Variants in COP1 observed in about 807,000 individuals in gnomAD.
COP1 encodes E3 ubiquitin-protein ligase COP1.
COP1 carries 24 observed loss-of-function variants against 101.3 expected under a neutral mutation model. That is an observed-to-expected ratio of 0.24 (90% CI 0.17 to 0.33). The LOEUF (loss-of-function observed/expected upper bound fraction) is 0.33. Ranked by LOEUF, COP1 falls within the 10% of genes least tolerant of loss-of-function variation. COP1 has a pLI of 1.00. For missense variants in COP1, 663 were observed against 906.2 expected, an observed-to-expected ratio of 0.73 and a Z score of 3.45; for synonymous variants, 347 against 341.9, an observed-to-expected ratio of 1.01 and a Z score of -0.17.
At chr1:176,151,359 AAG>A (rs1553292732) in intron 5 of COP1, among the ~76,000 whole-genome samples, 7 of 58,652 alleles carry the variant, frequency 1.2e-4, no homozygotes, top group African/African-American at 1.7e-4. Flanking sequence ...AAGAAAAAGA[AAG>A]AAAGAAAGAA....
At chr1:175,999,262 C>A (rs543946855) in intron 15 of COP1, among the ~76,000 whole-genome samples, 1 of 152,140 alleles carries the variant, frequency 6.6e-6, no homozygotes, top group Admixed American at 6.6e-5. Flanking sequence ...GCCCAAGTAC[C>A]CTTCTCAGAC....
At chr1:176,195,520 T>C (rs933761017) in intron 1 of COP1, among the ~76,000 whole-genome samples, 4 of 152,176 alleles carry the variant, frequency 2.6e-5, no homozygotes, top group African/African-American at 7.2e-5. Context: ...AGAGTACTCA[T>C]TTTTTTCAAG....
chr1:176,193,243 T>G (rs889225734), intron 1 of COP1, among the ~76,000 whole-genome samples: 2 of 152,144 alleles, frequency 1.3e-5, no homozygotes, highest in Non-Finnish European at 1.5e-5. Flanking sequence ...TCACACCCAT[T>G]AGGTTGGCTA....
At chr1:176,057,470 G>A (rs974112433) in intron 11 of COP1, among the ~76,000 whole-genome samples, 4 of 151,906 alleles carry the variant, frequency 2.6e-5, no homozygotes, top group Non-Finnish European at 4.4e-5. Flanking sequence ...GAGTGCCTGC[G>A]ATTGCAGGCG....
chr1:175,956,673 A>AT (rs1161943215), intron 18 of COP1, among the ~76,000 whole-genome samples: 2 of 152,232 alleles, frequency 1.3e-5, no homozygotes, highest in Non-Finnish European at 2.9e-5. Context: ...GCACTGCACA[A>AT]TGACATTTTG....
chr1:176,036,764 A>C (rs750313656), intron 14 of COP1, among the ~76,000 whole-genome samples: 15 of 152,160 alleles, frequency 9.9e-5, no homozygotes, highest in Non-Finnish European at 2.2e-4. Context: ...ATTTTGCTTA[A>C]TTGTAGGCCA....
intron 18 of COP1, among the ~76,000 whole-genome samples, chr1:175,966,641 A>C (rs1652077791): frequency 6.6e-6 from 1 of 152,242 alleles, no homozygotes; most frequent in Admixed American, 6.5e-5. Flanking sequence ...GCAAAATGGA[A>C]GAAAGAAGAA....
chr1:176,123,935 G>C (rs960246124), intron 8 of COP1, among the ~76,000 whole-genome samples: 1 of 152,018 alleles, frequency 6.6e-6, no homozygotes, highest in South Asian at 2.1e-4. Context: ...GCCTGCATTT[G>C]AATCTCTAAG....
Position 176,141,511 on chromosome 1 carries a change from T to C in COP1, c.832-4964A>G, listed in dbSNP as rs556581690. Reference sequence around the variant, plus strand: ...GCAAGACTCCATCTCAAAAAATACATACATACATACATACAGCAGCAAAAC... The same window carrying C: ...GCAAGACTCCATCTCAAAAAATACACACATACATACATACAGCAGCAAAAC... On this transcript the variant is annotated intron_variant, in intron 6 of 19. Coordinates refer to ENST00000367669, the MANE Select transcript of COP1 (RefSeq NM_022457.7). Among the ~76,000 whole-genome samples, 60 of 151,658 alleles carry C rather than the reference T, an allele frequency of 4.0e-4. No homozygotes were observed. The South Asian group carries it at 9.6e-3, about 24-fold the overall frequency.
At chr1:176,184,715 T>A in intron 1 of COP1, 23 bp from the exon 2 acceptor site, 1 of 1,566,236 alleles carries the variant, frequency 6.4e-7, no homozygotes. Context: ...GAAAAATAAT[T>A]GATTTTTTTT....
chr1:176,006,256 T>G (rs535550699), intron 15 of COP1, among the ~76,000 whole-genome samples: 2 of 152,120 alleles, frequency 1.3e-5, no homozygotes, highest in East Asian at 3.9e-4. Context: ...GCACGTGAGA[T>G]GGGTTTCCTG....
intron 9 of COP1, among the ~76,000 whole-genome samples, chr1:176,092,491 G>C (rs1039504447): frequency 2.6e-5 from 4 of 152,064 alleles, no homozygotes; most frequent in Non-Finnish European, 5.9e-5. Flanking sequence ...AAAAACAAAT[G>C]ATTAGTATCC....
chr1:176,118,394 CGAAA>C (rs1056963081), intron 8 of COP1, among the ~76,000 whole-genome samples: 6 of 151,396 alleles, frequency 4.0e-5, no homozygotes, highest in African/African-American at 9.7e-5. Flanking sequence ...TAAAATTACA[CGAAA>C]GAAAGAAGTT....
intron 15 of COP1, among the ~76,000 whole-genome samples, chr1:176,023,502 T>C (rs1667131753): frequency 6.6e-6 from 1 of 152,102 alleles, no homozygotes; most frequent in Admixed American, 6.5e-5. Flanking sequence ...GTGGATCACC[T>C]GAGGTCAGGA....
chr1:176,125,715 C>T (rs1055373130), intron 8 of COP1, among the ~76,000 whole-genome samples: 6 of 151,920 alleles, frequency 3.9e-5, no homozygotes, highest in South Asian at 2.1e-4. Context: ...CTGGGTCTTT[C>T]GTGATTCCAT....
rs904826038 is a variant in COP1, at chr1:176,147,913, T to C, written c.831+1093A>G. Among the ~76,000 whole-genome samples, 3 of 152,168 alleles carry C rather than the reference T, an allele frequency of 2.0e-5. No homozygotes were observed. The South Asian group carries it at 6.2e-4, about 32-fold the overall frequency. ...AGCAAGATCATCAGGCAACTTTCTT[T>C]TTTTGGGACAGATTCTCGCCCTGTT... is the stretch of plus-strand genomic sequence containing the variant. On this transcript the variant is annotated intron_variant, in intron 6 of 19. Coordinates refer to ENST00000367669, the MANE Select transcript of COP1 (RefSeq NM_022457.7).
rs545421831 is a variant in COP1, at chr1:176,041,358, T to TTCTTTTC, written c.1612+1827_1612+1828insGAAAAGA. Among the ~76,000 whole-genome samples the TTCTTTTC allele has an allele frequency of 6.6e-5, 9 of 135,930 alleles. No homozygotes were observed. In the South Asian group the frequency reaches 1.9e-3, roughly 29 times the overall value. The allele number at this position is 135,930 out of a possible 152,430, so 89.2% of individuals were successfully genotyped here. On this transcript the variant is annotated intron_variant, in intron 14 of 19. Coordinates refer to ENST00000367669, the MANE Select transcript of COP1 (RefSeq NM_022457.7). ...TGGATTTTTTTTCTTTTTTTCTTTT[T>TTCTTTTC]TTTTTTTGAGACAGAGTCTCGCTCT...
chr1:176,032,279 GT>G (rs1207661586), intron 14 of COP1, among the ~76,000 whole-genome samples: 1 of 152,098 alleles, frequency 6.6e-6, no homozygotes, highest in African/African-American at 2.4e-5. Flanking sequence ...AATGTGTATT[GT>G]TTTATACCTC....
intron 14 of COP1, among the ~76,000 whole-genome samples, chr1:176,036,791 C>T (rs1669626087): frequency 6.6e-6 from 1 of 152,108 alleles, no homozygotes; most frequent in Admixed American, 6.6e-5. Context: ...ATATTCTGAG[C>T]ACATTTAAGG....
Sources: gnomAD v4.1 joint callset for allele counts (sites outside exome capture counted in the v4.1 genomes callset) on GRCh38, gnomAD v4.1.1 for gene constraint, MANE v1.5 for transcripts, NCBI Gene and HGNC (gene_info 2026-07-23, HGNC 2026-07-21) for gene names.